Variants in AGBL4 observed in about 807,000 individuals in gnomAD.
AGBL4 encodes AGBL carboxypeptidase 4.
In AGBL4, 58 loss-of-function variants were observed where a neutral mutation model predicts 66.4. The ratio of observed to expected loss-of-function variants is 0.87; its 90% confidence interval spans 0.71 to 1.09. The LOEUF (loss-of-function observed/expected upper bound fraction) is 1.09, where lower values mean the gene tolerates loss of function less well. Among genes scored for constraint, AGBL4 ranks in the 50% least tolerant of loss-of-function variants. The pLI is 0.00. For synonymous variants in AGBL4, 234 were observed against 222.9 expected, an observed-to-expected ratio of 1.05 and a Z score of -0.44; for missense variants, 579 against 631.0, an observed-to-expected ratio of 0.92 and a Z score of 0.88.
At chr1:49,417,504 T>C (rs1451988130) in intron 3 of AGBL4, among the ~76,000 whole-genome samples, 2 of 152,148 alleles carry the variant, frequency 1.3e-5, no homozygotes, top group African/African-American at 4.8e-5. Flanking sequence ...TTGATTAGGA[T>C]AAACTGGAGT....
intron 8 of AGBL4, among the ~76,000 whole-genome samples, chr1:48,643,379 C>T (rs1645787928): frequency 1.3e-5 from 2 of 152,126 alleles, no homozygotes; most frequent in South Asian, 2.1e-4. Flanking sequence ...ACAGACTGTA[C>T]CCTATGTAGG....
intron 3 of AGBL4, among the ~76,000 whole-genome samples, chr1:49,284,287 A>G (rs1311098093): frequency 1.3e-5 from 2 of 152,152 alleles, no homozygotes; most frequent in Non-Finnish European, 2.9e-5. Flanking sequence ...TCATAAGTGA[A>G]GGAGAAATAA....
intron 9 of AGBL4, among the ~76,000 whole-genome samples, chr1:48,617,099 G>A (rs1322340766): frequency 6.6e-6 from 1 of 152,216 alleles, no homozygotes; most frequent in Non-Finnish European, 1.5e-5. Context: ...GGGGAGCTGA[G>A]AAGATGCTGA....
At chr1:49,975,466 A>G (rs977523445) in intron 1 of AGBL4, among the ~76,000 whole-genome samples, 3 of 152,218 alleles carry the variant, frequency 2.0e-5, no homozygotes, top group African/African-American at 7.2e-5. Context: ...ATGGCCAGCA[A>G]GTAACCAATG....
chr1:49,354,712 T>C (rs990310019), intron 3 of AGBL4, among the ~76,000 whole-genome samples: 8 of 152,220 alleles, frequency 5.3e-5, no homozygotes, highest in Non-Finnish European at 1.0e-4. Context: ...GGCTAGTTGA[T>C]ATAAATAAGA....
rs1458089933 is a variant in AGBL4 at position 49,535,820 on chromosome 1, T to C, written c.282+161493A>G. On this transcript the variant is annotated intron_variant, in intron 3 of 13. Transcript: ENST00000371839. Reference sequence around the variant, plus strand: ...CATTCTCCTGCCTCAGCCTCCCAAGTAGCTGGGACTACAGGTGCCTGCCAC... The same window carrying C: ...CATTCTCCTGCCTCAGCCTCCCAAGCAGCTGGGACTACAGGTGCCTGCCAC... Among the ~76,000 whole-genome samples the C allele has an allele frequency of 1.5e-4, 23 of 152,094 alleles. 1 individual carries two copies. Among genetic ancestry groups the C allele is most frequent in the Admixed American group, 1.5e-3 (23 of 15,266 alleles).
At chr1:48,768,810 A>C (rs1339968331) in intron 6 of AGBL4, among the ~76,000 whole-genome samples, 1 of 152,210 alleles carries the variant, frequency 6.6e-6, no homozygotes, top group Non-Finnish European at 1.5e-5. Context: ...CATCTATACA[A>C]AAATCCTGTG....
chr1:49,446,053 T>G (rs1289074163), intron 3 of AGBL4, among the ~76,000 whole-genome samples: 1 of 152,098 alleles, frequency 6.6e-6, no homozygotes, highest in South Asian at 2.1e-4. Flanking sequence ...GGTTTCGTCT[T>G]GTTGGCCAGG....
intron 8 of AGBL4, among the ~76,000 whole-genome samples, chr1:48,651,825 G>A (rs1012520866): frequency 3.3e-5 from 5 of 152,116 alleles, no homozygotes; most frequent in African/African-American, 7.2e-5. Flanking sequence ...GTTAGGCCAC[G>A]GACTTTGAGT....
rs113688838 is a variant in AGBL4, at chr1:48,826,886, C to T, written c.634+40305G>A. On this transcript the variant is annotated intron_variant, in intron 6 of 13. Coordinates refer to ENST00000371839, the MANE Select transcript of AGBL4 (RefSeq NM_032785.4). ...CCATTGCATCACTTCACACTCTCCT[C>T]TTATCCCCATGCCCCGGAGTCTGCT... Among the ~76,000 whole-genome samples the T allele has an allele frequency of 2.3e-3, 347 of 152,270 alleles. 1 individual carries two copies. The highest frequency in any genetic ancestry group is 8.2e-3 in the African/African-American group (339 of 41,568).
chr1:49,394,777 A>G (rs1644920715), intron 3 of AGBL4, among the ~76,000 whole-genome samples: 1 of 152,196 alleles, frequency 6.6e-6, no homozygotes, highest in Non-Finnish European at 1.5e-5. Flanking sequence ...AGTCCGCCTC[A>G]GCAGGGAGGA....
rs1643930192 is a variant in AGBL4, at chr1:48,533,992, A to G, written c.*181T>C. On this transcript the variant is annotated 3_prime_UTR_variant, in exon 14 of 14. Transcript: ENST00000371839. ...GAGCTTTTTGAGCTGAAGGCTTACA[A>G]TTGATTTTCCATTGGAAAAAGGGAA... 2.9e-6 allele frequency: 3 copies of G among 1,028,830 alleles called. No individual in the cohort carries two copies. The highest frequency in any genetic ancestry group is 4.3e-6 in the Non-Finnish European group (3 of 697,070). 63.7% of individuals were successfully genotyped at this position (1,028,830 alleles called of 1,614,324 possible).
At chr1:49,909,759 A>G (rs948369059) in intron 1 of AGBL4, among the ~76,000 whole-genome samples, 1 of 152,202 alleles carries the variant, frequency 6.6e-6, no homozygotes, top group Non-Finnish European at 1.5e-5. Flanking sequence ...AGCAAGGAAA[A>G]CATCAGGACT....
chr1:49,991,338 T>C (rs1038052684), intron 1 of AGBL4, among the ~76,000 whole-genome samples: 1 of 152,142 alleles, frequency 6.6e-6, no homozygotes, highest in East Asian at 1.9e-4. Context: ...TATATAATTA[T>C]ATACCTATAT....
intron 3 of AGBL4, among the ~76,000 whole-genome samples, chr1:49,343,201 C>T (rs754978379): frequency 6.6e-6 from 1 of 152,054 alleles, no homozygotes; most frequent in Non-Finnish European, 1.5e-5. Flanking sequence ...TGAATTCTGA[C>T]AGCATAGGAC....
intron 1 of AGBL4, among the ~76,000 whole-genome samples, chr1:49,930,146 C>G (rs1021291226): frequency 1.3e-5 from 2 of 151,900 alleles, no homozygotes; most frequent in African/African-American, 2.4e-5. Flanking sequence ...ACTATAGACT[C>G]TACAGATATT....
chr1:49,544,370 G>A (rs1652312404), intron 3 of AGBL4, among the ~76,000 whole-genome samples: 1 of 152,196 alleles, frequency 6.6e-6, no homozygotes, highest in South Asian at 2.1e-4. Context: ...GAGTAAAATA[G>A]GAGTCCTTAT....
intron 3 of AGBL4, among the ~76,000 whole-genome samples, chr1:49,629,777 C>T (rs1645535026): frequency 6.6e-6 from 1 of 152,148 alleles, no homozygotes; most frequent in African/African-American, 2.4e-5. Flanking sequence ...AATGTATCTG[C>T]TATAGTATTA....
chr1:48,992,902 C>A (rs1275222525), intron 5 of AGBL4, among the ~76,000 whole-genome samples: 1 of 152,142 alleles, frequency 6.6e-6, no homozygotes, highest in African/African-American at 2.4e-5. Context: ...TGGCCCAGGG[C>A]AGGTCTAGAA....
Sources: allele counts gnomAD v4.1 joint callset (sites outside exome capture counted in the v4.1 genomes callset), GRCh38; gene constraint gnomAD v4.1.1; transcripts MANE v1.5; gene names NCBI Gene and HGNC (gene_info 2026-07-23, HGNC 2026-07-21).